KIRREL1: variants seen among roughly 807,000 people sequenced by gnomAD.
The protein encoded by KIRREL1 is kirre like nephrin family adhesion molecule 1.
KIRREL1 carries 25 observed loss-of-function variants against 83.3 expected under a neutral mutation model. The observed-to-expected ratio is 0.30, with a 90% CI of 0.22 to 0.42. KIRREL1 has a LOEUF of 0.42. KIRREL1 is among the 10% of genes least tolerant of loss of function. The probability of loss-of-function intolerance (pLI) is 1.00; values close to 1 mark genes in which losing one functional copy is unlikely to be tolerated. For missense variants in KIRREL1, 812 were observed against 1,032.3 expected (o/e 0.79, Z 2.92); for synonymous variants, 388 against 410.4 (o/e 0.95, Z 0.66).
chr1:158,031,944 G>A (rs1660337478), intron 1 of KIRREL1, among the ~76,000 whole-genome samples: 1 of 152,100 alleles, frequency 6.6e-6, no homozygotes, highest in African/African-American at 2.4e-5. Flanking sequence ...TTAGCCTGGT[G>A]TGGTGGTGCA....
At chr1:158,092,720 G>T (rs1170011566) in intron 11 of KIRREL1, among the ~76,000 whole-genome samples, 1 of 152,138 alleles carries the variant, frequency 6.6e-6, no homozygotes, top group Admixed American at 6.5e-5. Context: ...ATACAGTAAC[G>T]TGGGGCTCCA....
chr1:158,019,431 A>G (rs1659937760), intron 1 of KIRREL1, among the ~76,000 whole-genome samples: 1 of 152,166 alleles, frequency 6.6e-6, no homozygotes, highest in Admixed American at 6.5e-5. Flanking sequence ...AAGGATTTGG[A>G]GCATTTTGGC....
At position 158,094,931 on chromosome 1, in the gene KIRREL1, C is replaced by T; in HGVS notation, c.2085C>T (p.Phe695=). The change falls in exon 15 of 15, where the codon TTC becomes TTT. Residue 695 remains phenylalanine (F), a synonymous_variant. Transcript: ENST00000359209. This position sits in a 1 kb window ranked among gnomAD's most constrained non-coding sequence, Gnocchi z 4.6. ...ATGAGAAGTTCAACTCCCATCCCTT[C>T]CCTGGGGCAGCTGGGTACCCCACCT... ...ENYEKFNSHP[F]PGAAGYPTYR... is the part of the protein sequence containing the mutation. 6.2e-7 allele frequency: 1 copy of T among 1,614,062 alleles called. No individual in the cohort carries two copies. Among genetic ancestry groups the T allele is most frequent in the Non-Finnish European group, 8.5e-7 (1 of 1,179,994 alleles).
intron 1 of KIRREL1, among the ~76,000 whole-genome samples, chr1:158,075,457 C>T (rs1366135894): frequency 1.3e-5 from 2 of 152,222 alleles, no homozygotes; most frequent in African/African-American, 4.8e-5. Flanking sequence ...CAGAGCAGGG[C>T]ACATGTGCCA....
chr1:157,996,979 C>T (rs902784244), intron 1 of KIRREL1, among the ~76,000 whole-genome samples: 12 of 152,188 alleles, frequency 7.9e-5, no homozygotes, highest in African/African-American at 4.8e-5. Context: ...CTGCCTTTGG[C>T]GCTCCAGTGA....
intron 1 of KIRREL1, among the ~76,000 whole-genome samples, chr1:158,052,575 C>G (rs188359562): frequency 1.4e-3 from 218 of 151,330 alleles, no homozygotes; most frequent in African/African-American, 5.0e-3. Flanking sequence ...GTCAGGAGAT[C>G]GAGACCATCC....
intron 1 of KIRREL1, among the ~76,000 whole-genome samples, chr1:158,060,225 G>A (rs1222974068): frequency 6.6e-6 from 1 of 152,092 alleles, no homozygotes; most frequent in African/African-American, 2.4e-5. Context: ...CTGCATTCCT[G>A]GGCAGGGTTC....
chr1:158,018,697 G>A (rs1659909873), intron 1 of KIRREL1, among the ~76,000 whole-genome samples: 1 of 152,094 alleles, frequency 6.6e-6, no homozygotes. Flanking sequence ...CAGACAAGGA[G>A]GAGCCCTGGA....
intron 1 of KIRREL1, among the ~76,000 whole-genome samples, chr1:158,048,446 C>G (rs1660830269): frequency 6.6e-6 from 1 of 152,176 alleles, no homozygotes. Flanking sequence ...AGAAACAAGA[C>G]TAGGAAAGGC....
chr1:158,007,268 G>C (rs968402881), intron 1 of KIRREL1, among the ~76,000 whole-genome samples: 7 of 152,194 alleles, frequency 4.6e-5, no homozygotes, highest in African/African-American at 9.7e-5. Context: ...AAGATAGAAA[G>C]AGACACTGGA....
chr1:158,089,546 G>A lies in KIRREL1; in HGVS notation c.1089G>A (p.Gln363=), dbSNP rs1662126656. The A allele has an allele frequency of 1.2e-6, 2 of 1,614,070 alleles. No homozygotes were observed. The highest frequency in any genetic ancestry group is 1.7e-5 in the Admixed American group (1 of 59,996). The part of the protein sequence containing the change: ...SNQLLLKSVT[Q]ADAGTYTCRA... ...AGCTGCTGCTGAAGTCGGTGACTCAGGCAGACGCTGGCACCTACACCTGCC... is the reference window on the plus strand; with the variant it reads ...AGCTGCTGCTGAAGTCGGTGACTCAAGCAGACGCTGGCACCTACACCTGCC... Residue 363 remains glutamine (Q), a synonymous_variant, in exon 9 of 15, where the codon CAG becomes CAA. Coordinates refer to ENST00000359209, the MANE Select transcript of KIRREL1 (RefSeq NM_018240.7).
intron 3 of KIRREL1, among the ~76,000 whole-genome samples, chr1:158,078,652 C>A (rs906177788): frequency 2.0e-5 from 3 of 152,138 alleles, no homozygotes; most frequent in Non-Finnish European, 4.4e-5. Flanking sequence ...GCTCACCCTT[C>A]CTCTCAAATT....
Position 158,095,280 on chromosome 1 carries a change from C to A in KIRREL1, c.*160C>A. On this transcript the variant is annotated 3_prime_UTR_variant, in exon 15 of 15. Transcript: ENST00000359209. The stretch of plus-strand genomic sequence containing the variant: ...GCAGGTCTCCCAGAAACACCCCGTC[C>A]CGAGGATGGTGCTCTGTGCATGCCC... 1.6e-6 allele frequency: 1 copy of A among 615,048 alleles called. No homozygotes were observed. The highest frequency in any genetic ancestry group is 2.8e-6 in the Non-Finnish European group (1 of 352,014). The allele number at this position is 615,048 out of a possible 1,614,324, so 38.1% of individuals were successfully genotyped here. A position where few individuals can be genotyped will look rare whatever the true frequency, so the allele number is the denominator to read the frequency against.
chr1:158,042,888 A>G (rs1660669782), intron 1 of KIRREL1, among the ~76,000 whole-genome samples: 1 of 146,728 alleles, frequency 6.8e-6, no homozygotes, highest in Non-Finnish European at 1.5e-5. Flanking sequence ...CCTGGCTAAC[A>G]CGGTGAAACC....
At chr1:158,062,088 C>CA (rs1661227582) in intron 1 of KIRREL1, among the ~76,000 whole-genome samples, 1 of 152,150 alleles carries the variant, frequency 6.6e-6, no homozygotes, top group Non-Finnish European at 1.5e-5. Flanking sequence ...CACAGACTTG[C>CA]AATTGGTCAC....
At chr1:158,091,315 C>T in intron 10 of KIRREL1, 43 bp from the exon 11 acceptor site, 2 of 1,582,504 alleles carry the variant, frequency 1.3e-6, no homozygotes, top group East Asian at 4.5e-5. Flanking sequence ...GGGCTTCTGC[C>T]CCCTGCCCCT....
At chr1:158,030,685 A>G (rs1660298349) in intron 1 of KIRREL1, 1 of 152,246 alleles carries the variant, frequency 6.6e-6, no homozygotes, top group Admixed American at 6.5e-5. Flanking sequence ...TGAAATTACA[A>G]ACAAATCTAA....
chr1:158,004,508 T>G (rs1249590253), intron 1 of KIRREL1, among the ~76,000 whole-genome samples: 1 of 152,204 alleles, frequency 6.6e-6, no homozygotes, highest in Non-Finnish European at 1.5e-5. Context: ...GTCTTGGATC[T>G]GGAAACTGAA....
intron 1 of KIRREL1, among the ~76,000 whole-genome samples, chr1:158,023,619 C>T (rs1211096923): frequency 1.3e-5 from 2 of 152,090 alleles, no homozygotes; most frequent in African/African-American, 2.4e-5. Context: ...GTAGGGGGAC[C>T]GGGAGACTTG....
Sources: allele counts gnomAD v4.1 joint callset (sites outside exome capture counted in the v4.1 genomes callset), GRCh38; gene constraint gnomAD v4.1.1; non-coding constraint Gnocchi (gnomAD v3.1); transcripts MANE v1.5; gene names NCBI Gene and HGNC (gene_info 2026-07-23, HGNC 2026-07-21).